Variants in PLPP3 observed in about 807,000 individuals in gnomAD.
The protein encoded by PLPP3 is PAP2 beta.
A neutral mutation model predicts 29.6 loss-of-function variants in PLPP3; 6 were observed. The observed-to-expected ratio is 0.20, with a 90% confidence interval of 0.11 to 0.40. PLPP3 has a LOEUF of 0.40. Among genes scored for constraint, PLPP3 ranks in the 10% least tolerant of loss-of-function variants. The pLI, the probability that PLPP3 is intolerant of heterozygous loss-of-function variation, is 1.00. For missense variants in PLPP3, 308 were observed against 407.7 expected (o/e 0.76, Z 2.11); for synonymous variants, 152 against 159.7 (o/e 0.95, Z 0.36).
At chr1:56,578,378 G>C (rs1157320692) in intron 1 of PLPP3, among the ~76,000 whole-genome samples, 1 of 152,204 alleles carries the variant, frequency 6.6e-6, no homozygotes, top group Non-Finnish European at 1.5e-5. Flanking sequence ...CGGCTAGCCA[G>C]TCTGGCGAGC....
intron 1 of PLPP3, 131 bp downstream of exon 1, chr1:56,578,747 A>G: frequency 9.8e-7 from 1 of 1,021,506 alleles, no homozygotes; most frequent in Non-Finnish European, 1.2e-6. Flanking sequence ...AAGGCTCCCC[A>G]GGAAGGCTGC....
At position 56,538,264 on chromosome 1, in the gene PLPP3, T is replaced by G. The variant is rs1307915575; in HGVS notation, c.140-1152A>C. Among the ~76,000 whole-genome samples, 7 of 152,282 alleles carry G rather than the reference T, an allele frequency of 4.6e-5. No individual in the cohort carries two copies. The South Asian group carries it at 1.2e-3, about 27-fold the overall frequency. On this transcript the variant is annotated intron_variant, in intron 1 of 5. Coordinates refer to ENST00000371250, the MANE Select transcript of PLPP3 (RefSeq NM_003713.5). The stretch of plus-strand genomic sequence containing the variant: ...CCAAGAAACCAGTACACAGAGACTG[T>G]GGATTCATGCTATTCTCTTAGACCA...
intron 1 of PLPP3, among the ~76,000 whole-genome samples, chr1:56,555,159 C>T (rs981866268): frequency 6.6e-6 from 1 of 152,052 alleles, no homozygotes; most frequent in Non-Finnish European, 1.5e-5. Context: ...CACTCACAGG[C>T]TTCAATCTCA....
At chr1:56,519,329 T>C (rs1645803503) in intron 4 of PLPP3, among the ~76,000 whole-genome samples, 2 of 152,156 alleles carry the variant, frequency 1.3e-5, no homozygotes, top group Admixed American at 1.3e-4. Flanking sequence ...CTAGGGGTCA[T>C]AATTCTGAGA....
chr1:56,524,607 C>T lies in PLPP3; in HGVS notation c.298-53G>A. 6.4e-7 allele frequency: 1 copy of T among 1,558,000 alleles called. No homozygotes were observed. On this transcript the variant is annotated intron_variant, in intron 2 of 5. Coordinates refer to ENST00000371250, the MANE Select transcript of PLPP3 (RefSeq NM_003713.5). This position sits in a 1 kb window ranked among gnomAD's most constrained non-coding sequence, Gnocchi z 4.3. ...GCAGTATCAAGATTCATCATCAACA[C>T]TGATGCCGTAACGGATATTCAACAA...
Position 56,524,612 on chromosome 1 carries a change from G to A in PLPP3, c.298-58C>T, listed in dbSNP as rs1200965425. The A allele has an allele frequency of 2.6e-6, 4 of 1,544,676 alleles. No homozygotes were observed. The highest frequency in any genetic ancestry group is 3.5e-6 in the Non-Finnish European group (4 of 1,126,944). ...ATCAAGATTCATCATCAACACTGAT[G>A]CCGTAACGGATATTCAACAACACAG... On this transcript the variant is annotated intron_variant, in intron 2 of 5. Transcript: ENST00000371250. The surrounding 1 kb of genome is among the most constrained non-coding windows in gnomAD (Gnocchi z 4.3).
intron 1 of PLPP3, among the ~76,000 whole-genome samples, chr1:56,546,754 G>C (rs956598966): frequency 3.9e-5 from 6 of 152,154 alleles, no homozygotes; most frequent in African/African-American, 1.4e-4. Flanking sequence ...CCATGAGGCT[G>C]GTGGTTAGGT....
chr1:56,541,807 A>T (rs974897716), intron 1 of PLPP3, among the ~76,000 whole-genome samples: 5 of 152,138 alleles, frequency 3.3e-5, no homozygotes, highest in African/African-American at 1.2e-4. Flanking sequence ...CACTGTTCAG[A>T]ACAATCAAGG....
At chr1:56,532,907 G>C (rs1459445500) in intron 2 of PLPP3, among the ~76,000 whole-genome samples, 1 of 152,104 alleles carries the variant, frequency 6.6e-6, no homozygotes, top group Non-Finnish European at 1.5e-5. Context: ...ACAGAGGTGG[G>C]CCCAGGGTTC....
intron 1 of PLPP3, among the ~76,000 whole-genome samples, chr1:56,554,171 A>G (rs12751490): frequency 0.4 from 60,757 of 151,712 alleles, 13,822 homozygotes; most frequent in Middle Eastern, 0.54. Flanking sequence ...TAAAGCTTAG[A>G]TCTACCTTTT....
At chr1:56,555,464 A>AAAC (rs1646070505) in intron 1 of PLPP3, among the ~76,000 whole-genome samples, 1 of 149,454 alleles carries the variant, frequency 6.7e-6, no homozygotes, top group African/African-American at 2.5e-5. Context: ...AAAAAAACAA[A>AAAC]AAACAAACAA....
At chr1:56,503,082 C>CA (rs1645679080) in intron 5 of PLPP3, among the ~76,000 whole-genome samples, 2 of 151,636 alleles carry the variant, frequency 1.3e-5, no homozygotes, top group African/African-American at 2.4e-5. Context: ...CTTTGGCAGC[C>CA]GTTTTTTTTT....
At chr1:56,547,350 T>C (rs1486390380) in intron 1 of PLPP3, among the ~76,000 whole-genome samples, 1 of 152,214 alleles carries the variant, frequency 6.6e-6, no homozygotes, top group Non-Finnish European at 1.5e-5. Context: ...CCTGGCCCCC[T>C]ACCAAATACA....
At chr1:56,535,661 C>G (rs918158682) in intron 2 of PLPP3, among the ~76,000 whole-genome samples, 1 of 152,140 alleles carries the variant, frequency 6.6e-6, no homozygotes, top group Non-Finnish European at 1.5e-5. Context: ...TTGGCCTTGG[C>G]AAGCAGCAAG....
At chr1:56,510,123 C>T (rs1645730387) in intron 5 of PLPP3, among the ~76,000 whole-genome samples, 1 of 152,112 alleles carries the variant, frequency 6.6e-6, no homozygotes, top group African/African-American at 2.4e-5. Context: ...GCAGGGGACT[C>T]CAATTAGGGC....
chr1:56,559,417 T>C (rs1018167124), intron 1 of PLPP3, among the ~76,000 whole-genome samples: 6 of 47,994 alleles, frequency 1.3e-4, no homozygotes, highest in Admixed American at 5.7e-4. Context: ...CATAATCATA[T>C]GGTTAATTTT....
rs1177382175 is a variant in PLPP3 at position 56,548,708 on chromosome 1, G to T, written c.140-11596C>A. 3.3e-5 allele frequency among the ~76,000 whole-genome samples: 5 copies of T among 152,266 alleles called. No homozygotes were observed. The South Asian group carries it at 1.0e-3, about 32-fold the overall frequency. ...TAACCACCCATCAACAATGTGACAA[G>T]AACTTCCACAGGGGCATTACTAAAG... On this transcript the variant is annotated intron_variant, in intron 1 of 5. Coordinates refer to ENST00000371250, the MANE Select transcript of PLPP3 (RefSeq NM_003713.5).
intron 1 of PLPP3, among the ~76,000 whole-genome samples, chr1:56,539,609 C>T (rs1212448644): frequency 6.6e-6 from 1 of 152,132 alleles, no homozygotes; most frequent in African/African-American, 2.4e-5. Context: ...CACAGAGGGG[C>T]CATGACAGGC....
intron 2 of PLPP3, among the ~76,000 whole-genome samples, chr1:56,532,026 AAT>A (rs2100259899): frequency 6.6e-6 from 1 of 152,274 alleles, no homozygotes; most frequent in East Asian, 1.9e-4. Context: ...ACGTTTTTCA[AAT>A]AGTCATGAAT....
Sources: gnomAD v4.1 joint callset for allele counts (sites outside exome capture counted in the v4.1 genomes callset) on GRCh38, gnomAD v4.1.1 for gene constraint, Gnocchi (gnomAD v3.1) non-coding constraint, MANE v1.5 for transcripts, NCBI Gene and HGNC (gene_info 2026-07-23, HGNC 2026-07-21) for gene names.